IFT88: variants seen among roughly 807,000 people sequenced by gnomAD.
IFT88 encodes intraflagellar transport protein 88 homolog.
IFT88 carries 74 observed loss-of-function variants against 119.5 expected under a neutral mutation model. The observed-to-expected ratio is 0.62, with a 90% confidence interval of 0.51 to 0.75. IFT88 has a LOEUF of 0.75. Ranked by LOEUF, IFT88 falls within the 30% of genes least tolerant of loss-of-function variation. The pLI is 0.00. For missense variants in IFT88, 961 were observed against 977.7 expected (o/e 0.98, Z 0.23); for synonymous variants, 279 against 316.7 (o/e 0.88, Z 1.26).
chr13:20,623,798 A>G (rs1330989798), intron 14 of IFT88, among the ~76,000 whole-genome samples: 1 of 152,120 alleles, frequency 6.6e-6, no homozygotes, highest in Non-Finnish European at 1.5e-5. Flanking sequence ...GTTTTAAAAA[A>G]TTTCTCTCGG....
At chr13:20,621,257 G>A (rs1402099461) in intron 14 of IFT88, among the ~76,000 whole-genome samples, 1 of 152,128 alleles carries the variant, frequency 6.6e-6, no homozygotes, top group African/African-American at 2.4e-5. Context: ...AGTAGAGACA[G>A]GATTTAGCCA....
intron 24 of IFT88, among the ~76,000 whole-genome samples, chr13:20,684,194 A>T (rs1355671482): frequency 6.6e-6 from 1 of 152,158 alleles, no homozygotes; most frequent in Non-Finnish European, 1.5e-5. Flanking sequence ...TCACCTTCTC[A>T]TCTAGCTTGC....
At chr13:20,688,092 T>C (rs2058133631) in intron 24 of IFT88, among the ~76,000 whole-genome samples, 1 of 152,074 alleles carries the variant, frequency 6.6e-6, no homozygotes, top group Admixed American at 6.6e-5. Context: ...TCCCAGCACT[T>C]TGGGAGGCCG....
chr13:20,584,834 G>T (rs2039363114), intron 3 of IFT88, among the ~76,000 whole-genome samples: 1 of 152,166 alleles, frequency 6.6e-6, no homozygotes, highest in South Asian at 2.1e-4. Flanking sequence ...GGGGGCACTT[G>T]TGCCCCCCCA....
intron 5 of IFT88, among the ~76,000 whole-genome samples, chr13:20,591,414 C>T (rs2040651766): frequency 6.6e-6 from 1 of 151,954 alleles, no homozygotes; most frequent in South Asian, 2.1e-4. Context: ...AAAACTATAG[C>T]CCAATTACAT....
intron 3 of IFT88, among the ~76,000 whole-genome samples, chr13:20,583,879 C>T (rs553573343): frequency 6.6e-6 from 1 of 152,264 alleles, no homozygotes; most frequent in Non-Finnish European, 1.5e-5. Flanking sequence ...ATTTGCTGTA[C>T]AGACCGTCCC....
chr13:20,591,636 A>C lies in IFT88; in HGVS notation c.283A>C (p.Met95Leu). ...GAIQDGVTRP[M>L]TAVRAAGFTK... ...TTTAAAGGATGGAGTTACTAGACCC[A>C]TGACAGCAGTGAGAGCAGCTGGTTT... is the stretch of plus-strand genomic sequence containing the variant. The change falls in exon 6 of 26, where the codon ATG becomes CTG. Residue 95 changes from methionine to leucine, a missense_variant. Met to Leu is a conservative substitution (Grantham distance 15). Transcript: ENST00000351808. 1.2e-6 allele frequency: 2 copies of C among 1,612,698 alleles called. No homozygotes were observed. Among genetic ancestry groups the C allele is most frequent in the Non-Finnish European group, 8.5e-7 (1 of 1,178,972 alleles).
chr13:20,599,627 T>G, intron 11 of IFT88, 62 bp downstream of exon 11: 1 of 733,730 alleles, frequency 1.4e-6, no homozygotes, highest in East Asian at 2.8e-5. Context: ...ACAAGATAAC[T>G]CTTCTGACCT....
chr13:20,637,905 A>C (rs978918770), intron 16 of IFT88, among the ~76,000 whole-genome samples: 1 of 152,220 alleles, frequency 6.6e-6, no homozygotes, highest in Non-Finnish European at 1.5e-5. Flanking sequence ...AGCATTTGGC[A>C]TGGAGACGGA....
intron 11 of IFT88, 75 bp from the exon 12 acceptor site, chr13:20,601,630 A>G: frequency 1.1e-6 from 1 of 945,486 alleles, no homozygotes; most frequent in Non-Finnish European, 1.6e-6. Context: ...AAAAAAGAAA[A>G]CTATTTGTGA....
chr13:20,600,723 A>G (rs1014644269), intron 11 of IFT88, among the ~76,000 whole-genome samples: 1 of 148,056 alleles, frequency 6.8e-6, no homozygotes, highest in African/African-American at 2.5e-5. Flanking sequence ...AAAAGTTAAA[A>G]CACAAATTTA....
intron 1 of IFT88, among the ~76,000 whole-genome samples, chr13:20,568,721 T>C (rs2035506582): frequency 6.6e-6 from 1 of 151,464 alleles, no homozygotes; most frequent in African/African-American, 2.4e-5. Flanking sequence ...TTTTAATACC[T>C]TTTTTTTTCT....
intron 1 of IFT88, among the ~76,000 whole-genome samples, chr13:20,568,256 G>T (rs1405821264): frequency 1.3e-5 from 2 of 152,076 alleles, no homozygotes; most frequent in Non-Finnish European, 2.9e-5. Context: ...TTTCAACATG[G>T]AAAAGTTTGT....
chr13:20,649,435 G>A (rs2051247930), intron 20 of IFT88, among the ~76,000 whole-genome samples: 1 of 152,102 alleles, frequency 6.6e-6, no homozygotes, highest in South Asian at 2.1e-4. Context: ...AGGGAAGTTA[G>A]AAAGTAACTG....
intron 23 of IFT88, among the ~76,000 whole-genome samples, chr13:20,670,546 T>A (rs111328104): frequency 0.029 from 3,851 of 135,066 alleles, 157 homozygotes; most frequent in African/African-American, 0.11. Flanking sequence ...TTTTTTTTTT[T>A]ACCCTCAAAT....
At position 20,679,475 on chromosome 13, in the gene IFT88, G is replaced by A. The variant is rs141977133; in HGVS notation, c.2242+8436G>A. Among the ~76,000 whole-genome samples the A allele has an allele frequency of 2.7e-4, 41 of 152,294 alleles. No individual in the cohort carries two copies. The East Asian group carries it at 5.0e-3, about 19-fold the overall frequency. ...TCGAAGAATTTCAGTAATAATATGCGCAGAAGGAGAGGCTTCCCAAGGATG... is the reference window on the plus strand; with the variant it reads ...TCGAAGAATTTCAGTAATAATATGCACAGAAGGAGAGGCTTCCCAAGGATG... On this transcript the variant is annotated intron_variant, in intron 24 of 25. Transcript: ENST00000351808.
chr13:20,596,875 T>G, intron 8 of IFT88, 140 bp from the exon 9 acceptor site: 1 of 467,684 alleles, frequency 2.1e-6, no homozygotes, highest in Non-Finnish European at 3.8e-6. Flanking sequence ...AAGGGAAGTT[T>G]CTGGTAAGAG....
chr13:20,605,864 A>C (rs949585739), intron 13 of IFT88, among the ~76,000 whole-genome samples: 11 of 152,208 alleles, frequency 7.2e-5, no homozygotes, highest in Non-Finnish European at 1.2e-4. Context: ...AGAGACAACC[A>C]AATGGAAGAG....
intron 20 of IFT88, among the ~76,000 whole-genome samples, chr13:20,646,246 C>T (rs1468796159): frequency 6.6e-6 from 1 of 152,074 alleles, no homozygotes; most frequent in African/African-American, 2.4e-5. Context: ...AGTTCAGTCA[C>T]CTGACTCATC....
Sources: allele counts gnomAD v4.1 joint callset (sites outside exome capture counted in the v4.1 genomes callset), GRCh38; gene constraint gnomAD v4.1.1; transcripts MANE v1.5; gene names NCBI Gene and HGNC (gene_info 2026-07-23, HGNC 2026-07-21).